C4BPA: variants seen among roughly 807,000 people sequenced by gnomAD.
C4BPA encodes the protein C4b-binding protein alpha chain.
Under a neutral mutation model 63.7 loss-of-function variants are expected in C4BPA, and 31 were observed. The ratio of observed to expected loss-of-function variants is 0.49; its 90% CI spans 0.37 to 0.66. C4BPA has a LOEUF of 0.66. C4BPA is among the 30% of genes least tolerant of loss of function. The probability of loss-of-function intolerance (pLI) is 0.00; values close to 1 mark genes in which losing one functional copy is unlikely to be tolerated. For missense variants in C4BPA, 572 were observed against 723.3 expected, an observed-to-expected ratio of 0.79 and a Z score of 2.40; for synonymous variants, 259 against 254.7, an observed-to-expected ratio of 1.02 and a Z score of -0.16.
intron 4 of C4BPA, among the ~76,000 whole-genome samples, chr1:207,122,996 C>T (rs1684951405): frequency 6.6e-6 from 1 of 152,080 alleles, no homozygotes; most frequent in Non-Finnish European, 1.5e-5. Context: ...CTTATCTTTT[C>T]CGTTTGTTTC....
chr1:207,140,911 G>A (rs1042051303), intron 9 of C4BPA, among the ~76,000 whole-genome samples, 195 bp from the exon 10 acceptor site: 22 of 152,144 alleles, frequency 1.4e-4, no homozygotes, highest in African/African-American at 5.3e-4. Flanking sequence ...GCTATATCTC[G>A]AGCCTTTCTA....
intron 1 of C4BPA, among the ~76,000 whole-genome samples, chr1:207,111,665 G>A (rs557821412): frequency 6.6e-6 from 1 of 152,224 alleles, no homozygotes; most frequent in African/African-American, 2.4e-5. Context: ...GCTTTATGTT[G>A]AGGGACTGAA....
At chr1:207,135,229 T>G (rs892999629) in intron 9 of C4BPA, among the ~76,000 whole-genome samples, 1 of 152,064 alleles carries the variant, frequency 6.6e-6, no homozygotes, top group Admixed American at 6.5e-5. Flanking sequence ...TCCCAGCTAC[T>G]CAGGAGGCTG....
At chr1:207,122,773 C>T (rs986716711) in intron 4 of C4BPA, among the ~76,000 whole-genome samples, 1 of 152,102 alleles carries the variant, frequency 6.6e-6, no homozygotes, top group African/African-American at 2.4e-5. Flanking sequence ...GGGGTTTTGT[C>T]ATATTGGCCA....
intron 1 of C4BPA, among the ~76,000 whole-genome samples, chr1:207,105,310 CA>C (rs1247333959): frequency 2.0e-5 from 3 of 152,082 alleles, no homozygotes; most frequent in Non-Finnish European, 2.9e-5. Flanking sequence ...GTAATCCCAG[CA>C]CTTTGGGAGG....
chr1:207,131,703 G>A lies in C4BPA; in HGVS notation c.1047G>A (p.Gln349=), dbSNP rs774971289. The part of the protein sequence containing the change: ...TTDEPTTVIC[Q]KNLRWTPYQG... ...ATGAGCCTACGACTGTGATTTGTCA[G>A]AAAAATTTGAGATGGACCCCATACC... Residue 349 remains glutamine, a synonymous_variant, in exon 8 of 12, where the codon CAG becomes CAA. Coordinates refer to ENST00000367070, the MANE Select transcript of C4BPA (RefSeq NM_000715.4). 1.2e-6 allele frequency: 2 copies of A among 1,613,366 alleles called. No individual in the cohort carries two copies. The highest frequency in any genetic ancestry group is 2.2e-5 in the South Asian group (2 of 90,842).
At chr1:207,131,295 AAAATTATT>A (rs1685153203) in intron 7 of C4BPA, among the ~76,000 whole-genome samples, 1 of 152,232 alleles carries the variant, frequency 6.6e-6, no homozygotes, top group Non-Finnish European at 1.5e-5. Flanking sequence ...AATGAGAATT[AAAATTATT>A]ATACTTGGCA....
chr1:207,107,163 G>A (rs1039810437), intron 1 of C4BPA, among the ~76,000 whole-genome samples: 1 of 152,208 alleles, frequency 6.6e-6, no homozygotes, highest in Non-Finnish European at 1.5e-5. Flanking sequence ...GATCTGAATA[G>A]TGAGTAAAGG....
In C4BPA at chr1:207,114,235, C is replaced by T. The variant is rs370737185; in HGVS notation, c.278C>T (p.Thr93Met). ...PGYVRSHSTQ[T>M]LTCNSDGEWV... ...TACGTCAGATCCCATTCAACTCAGA[C>T]GCTTACCTGTAATTCTGATGGCGAA... Residue 93 changes from threonine (T) to methionine (M), a missense_variant, in exon 3 of 12, where the codon ACG becomes ATG. This residue lies in a region of C4BPA where 465 missense variants were observed against 629.4 expected (regional missense o/e 0.74). Coordinates refer to ENST00000367070, the MANE Select transcript of C4BPA (RefSeq NM_000715.4). The T allele has an allele frequency of 1.3e-5, 21 of 1,613,460 alleles. No individual in the cohort carries two copies. Among genetic ancestry groups the T allele is most frequent in the African/African-American group, 5.3e-5 (4 of 74,876 alleles).
intron 7 of C4BPA, chr1:207,127,274 G>T (rs868017984): frequency 3.2e-4 from 50 of 153,974 alleles, no homozygotes; most frequent in African/African-American, 1.2e-3. Flanking sequence ...ATAATAAATT[G>T]TCCTGAGGAA....
chr1:207,118,409 T>C (rs185880093), intron 4 of C4BPA, among the ~76,000 whole-genome samples: 143 of 152,254 alleles, frequency 9.4e-4, no homozygotes, highest in African/African-American at 3.2e-3. Flanking sequence ...ACATGGCTGG[T>C]AAGGCCTCAG....
At chr1:207,121,648 T>C (rs1237354489) in intron 4 of C4BPA, among the ~76,000 whole-genome samples, 1 of 152,116 alleles carries the variant, frequency 6.6e-6, no homozygotes, top group Non-Finnish European at 1.5e-5. Context: ...TATTTTGTTA[T>C]ATATGTATGT....
At chr1:207,129,169 G>A (rs1307843617) in intron 7 of C4BPA, among the ~76,000 whole-genome samples, 1 of 152,006 alleles carries the variant, frequency 6.6e-6, no homozygotes, top group Non-Finnish European at 1.5e-5. Context: ...AAATTCAAAA[G>A]AGGAACTCAA....
chr1:207,133,521 T>C (rs922034083), intron 8 of C4BPA, among the ~76,000 whole-genome samples: 1 of 152,200 alleles, frequency 6.6e-6, no homozygotes, highest in African/African-American at 2.4e-5. Flanking sequence ...CCCAGCACTT[T>C]GGGAGGCCGA....
In C4BPA at chr1:207,113,125, T is replaced by G. The variant is rs537716695; in HGVS notation, c.100T>G (p.Phe34Val). Residue 34 changes from phenylalanine to valine, a missense_variant, in exon 2 of 12, where the codon TTC (phenylalanine) becomes GTC (valine). Physicochemically the swap from Phe to Val is conservative, Grantham distance 50. Coordinates refer to ENST00000367070, the MANE Select transcript of C4BPA (RefSeq NM_000715.4). ...GTGGAAAGTCTCTGATCCAATTCTC[T>G]TCCAAATGACCTTGATCGCTGCTCT... Reference protein sequence around the residue: ...RLWKVSDPILFQMTLIAALLP... With the variant: ...RLWKVSDPILVQMTLIAALLP... The G allele has an allele frequency of 6.2e-7, 1 of 1,611,292 alleles. No homozygotes were observed. Among genetic ancestry groups the G allele is most frequent in the Admixed American group, 1.7e-5 (1 of 59,450 alleles).
At chr1:207,115,364 C>T in intron 3 of C4BPA, 52 bp from the exon 4 acceptor site, 1 of 912,588 alleles carries the variant, frequency 1.1e-6, no homozygotes, top group Non-Finnish European at 1.7e-6. Flanking sequence ...TTTCTAATGC[C>T]ATATCTGTGA....
chr1:207,115,896 T>C (rs1684776026), intron 4 of C4BPA, among the ~76,000 whole-genome samples: 4 of 152,190 alleles, frequency 2.6e-5, no homozygotes, highest in Admixed American at 2.6e-4. Context: ...GCATAGAATG[T>C]TGTTGTGTAG....
intron 9 of C4BPA, among the ~76,000 whole-genome samples, chr1:207,139,771 C>T (rs1399048374): frequency 1.3e-5 from 2 of 152,176 alleles, no homozygotes; most frequent in African/African-American, 4.8e-5. Context: ...GGAGGACTGG[C>T]AGATTCATTA....
intron 7 of C4BPA, among the ~76,000 whole-genome samples, chr1:207,127,830 G>A (rs531013492): frequency 1.3e-4 from 20 of 152,162 alleles, no homozygotes; most frequent in Non-Finnish European, 1.9e-4. Context: ...TCTACCTTGC[G>A]GGAGGATGTT....
Sources: allele counts gnomAD v4.1 joint callset (sites outside exome capture counted in the v4.1 genomes callset), GRCh38; gene constraint gnomAD v4.1.1; regional missense constraint gnomAD v4.1.1; transcripts MANE v1.5; gene names NCBI Gene and HGNC (gene_info 2026-07-23, HGNC 2026-07-21).